Variants in CELF4 observed in about 807,000 individuals in gnomAD.
The protein encoded by CELF4 is CUGBP Elav-like family member 4.
CELF4 carries 18 observed loss-of-function variants against 59.9 expected under a neutral mutation model. The ratio of observed to expected loss-of-function variants is 0.30; its 90% CI spans 0.21 to 0.45. The LOEUF (loss-of-function observed/expected upper bound fraction) is 0.45. Among genes scored for constraint, CELF4 ranks in the 20% least tolerant of loss-of-function variants. The pLI is 1.00. For missense variants in CELF4, 456 were observed against 689.0 expected, an observed-to-expected ratio of 0.66 and a Z score of 3.79; for synonymous variants, 261 against 267.1, an observed-to-expected ratio of 0.98 and a Z score of 0.22.
At chr18:37,314,482 A>G (rs1199175578) in intron 3 of CELF4, among the ~76,000 whole-genome samples, 1 of 152,212 alleles carries the variant, frequency 6.6e-6, no homozygotes, top group Non-Finnish European at 1.5e-5. Flanking sequence ...AGAAAAAGAA[A>G]GAAAGAAAAG....
At chr18:37,266,479 G>T in intron 9 of CELF4, 54 bp downstream of exon 9, 1 of 1,503,202 alleles carries the variant, frequency 6.7e-7, no homozygotes, top group Non-Finnish European at 9.1e-7. Flanking sequence ...TGTCACAGGC[G>T]TGGAGAGATA....
At chr18:37,348,836 A>G (rs604760) in intron 2 of CELF4, among the ~76,000 whole-genome samples, 136,373 of 152,118 alleles carry the variant, frequency 0.9, 61,266 homozygotes, top group East Asian at 0.98. Flanking sequence ...CTCTGCTTCT[A>G]GGAGAGGGGA....
At chr18:37,539,890 G>A (rs1373490036) in intron 1 of CELF4, among the ~76,000 whole-genome samples, 3 of 152,200 alleles carry the variant, frequency 2.0e-5, no homozygotes, top group Non-Finnish European at 4.4e-5. Context: ...TGTGAGGATG[G>A]AGAGAGGTGA....
intron 1 of CELF4, among the ~76,000 whole-genome samples, chr18:37,555,787 T>C (rs1234071621): frequency 6.6e-6 from 1 of 152,220 alleles, no homozygotes. Context: ...GTATATACTT[T>C]TCACTCACCT....
At chr18:37,325,852 T>A (rs1208071418) in intron 2 of CELF4, among the ~76,000 whole-genome samples, 3 of 152,222 alleles carry the variant, frequency 2.0e-5, no homozygotes, top group African/African-American at 7.2e-5. Flanking sequence ...GTGGTCAGCA[T>A]CCAGACAGCC....
rs1486061091 is a variant in CELF4, at chr18:37,266,576, G to A, written c.1122C>T (p.Asp374=). The A allele has an allele frequency of 1.9e-6, 3 of 1,595,252 alleles. No homozygotes were observed. The Admixed American group carries it at 5.3e-5, about 28-fold the overall frequency. Residue 374 remains aspartate, a synonymous_variant, in exon 9 of 13, where the codon GAC becomes GAT. Coordinates refer to ENST00000420428, the MANE Select transcript of CELF4 (RefSeq NM_020180.4). ...PYPAQSPTAA[D]PLQQAYAGVQ... ...CTCCGGCGTAGGCCTGCTGCAGGGG[G>A]TCCGCGGCGGTGGGGCTCTGTGCTG...
intron 10 of CELF4, among the ~76,000 whole-genome samples, chr18:37,263,143 G>A (rs534205439): frequency 2.0e-5 from 3 of 152,224 alleles, no homozygotes; most frequent in Admixed American, 1.3e-4. Flanking sequence ...TCCAGAGAAC[G>A]CTCCCCACTC....
rs181815372 is a variant in CELF4, at chr18:37,461,718, C to T, written c.369+23807G>A. 9.1e-4 allele frequency among the ~76,000 whole-genome samples: 138 copies of T among 152,320 alleles called. 1 individual carries two copies. Among genetic ancestry groups the T allele is most frequent in the African/African-American group, 2.8e-3 (116 of 41,572 alleles). On this transcript the variant is annotated intron_variant, in intron 2 of 12. Coordinates refer to ENST00000420428, the MANE Select transcript of CELF4 (RefSeq NM_020180.4). ...GTACGCCAGAATGGTCAGTGGTCAC[C>T]GAGTCCCAGCAGTAGCTTCTGCTCA...
At chr18:37,433,732 G>C (rs777587993) in intron 2 of CELF4, among the ~76,000 whole-genome samples, 2 of 152,172 alleles carry the variant, frequency 1.3e-5, no homozygotes, top group Non-Finnish European at 2.9e-5. Flanking sequence ...CTGAGAGTGA[G>C]TCTGAGGATG....
chr18:37,260,852 C>T (rs1325966046), intron 10 of CELF4, among the ~76,000 whole-genome samples: 1 of 152,152 alleles, frequency 6.6e-6, no homozygotes, highest in African/African-American at 2.4e-5. Context: ...TTCGGCCTCC[C>T]CTCCCTGGAC....
At chr18:37,530,147 G>T (rs1280603882) in intron 1 of CELF4, among the ~76,000 whole-genome samples, 1 of 152,212 alleles carries the variant, frequency 6.6e-6, no homozygotes, top group African/African-American at 2.4e-5. Context: ...TGCACTTCGG[G>T]TGAAAGTATA....
chr18:37,250,575 TCTGAGCAC>T (rs2064888276), intron 12 of CELF4, among the ~76,000 whole-genome samples: 1 of 152,202 alleles, frequency 6.6e-6, no homozygotes, highest in South Asian at 2.1e-4. Context: ...TTCCTGCCCT[TCTGAGCAC>T]CTGGGGCTGC....
intron 1 of CELF4, chr18:37,529,225 G>A (rs1281890985): frequency 6.6e-6 from 1 of 152,170 alleles, no homozygotes; most frequent in Non-Finnish European, 1.5e-5. Context: ...CATGTATCTG[G>A]TCCTCAGGAA....
chr18:37,414,191 CATCTATCTATCTATCTATCTATCT>C (rs59869024), intron 2 of CELF4, among the ~76,000 whole-genome samples: 135 of 148,198 alleles, frequency 9.1e-4, no homozygotes, highest in African/African-American at 1.8e-3. Context: ...TCCATTCATT[CATCTATCTATCTATCTATCTATCT>C]ATCTATCTAT....
At chr18:37,405,149 C>G (rs549917673) in intron 2 of CELF4, among the ~76,000 whole-genome samples, 1 of 151,910 alleles carries the variant, frequency 6.6e-6, no homozygotes, top group Non-Finnish European at 1.5e-5. Context: ...CCTCATAGGA[C>G]ATGTTTTCCA....
chr18:37,251,062 G>A lies in CELF4; in HGVS notation c.*44+2705C>T, dbSNP rs538169815. Among the ~76,000 whole-genome samples the A allele has an allele frequency of 6.7e-4, 102 of 152,222 alleles. 1 individual carries two copies. Among genetic ancestry groups the A allele is most frequent in the Admixed American group, 1.2e-3 (18 of 15,296 alleles). ...ATTCTCCTCACTTGAAGGGGAGAAG[G>A]CTCCCTGGCTTCAAAGCTTGGCTCT... On this transcript the variant is annotated intron_variant, in intron 12 of 12. Transcript: ENST00000420428.
chr18:37,493,463 G>A (rs762251128), intron 1 of CELF4, among the ~76,000 whole-genome samples: 5 of 152,212 alleles, frequency 3.3e-5, no homozygotes, highest in Non-Finnish European at 5.9e-5. Context: ...GGCAGACAGC[G>A]TAGAATGCAG....
chr18:37,544,414 T>C (rs2099979930), intron 1 of CELF4, among the ~76,000 whole-genome samples: 1 of 152,154 alleles, frequency 6.6e-6, no homozygotes, highest in Non-Finnish European at 1.5e-5. Flanking sequence ...CTTGTGCTGC[T>C]TTCAAAGCCT....
At chr18:37,519,628 C>A (rs1006849881) in intron 1 of CELF4, among the ~76,000 whole-genome samples, 1 of 152,196 alleles carries the variant, frequency 6.6e-6, no homozygotes, top group Non-Finnish European at 1.5e-5. Context: ...GATCTGTGGG[C>A]AGCGAGGAGT....
Sources: allele counts gnomAD v4.1 joint callset (sites outside exome capture counted in the v4.1 genomes callset), GRCh38; gene constraint gnomAD v4.1.1; transcripts MANE v1.5; gene names NCBI Gene and HGNC (gene_info 2026-07-23, HGNC 2026-07-21).